EPN2: variants seen among roughly 807,000 people sequenced by gnomAD.
The protein encoded by EPN2 is epsin 2.
A neutral mutation model predicts 61.7 loss-of-function variants in EPN2; 34 were observed. That is an observed-to-expected ratio of 0.55 (90% CI 0.42 to 0.73). EPN2 has a LOEUF of 0.73. Among genes scored for constraint, EPN2 ranks in the 30% least tolerant of loss-of-function variants. EPN2 has a pLI of 0.00. For missense variants in EPN2, 714 were observed against 839.2 expected (o/e 0.85, Z 1.84); for synonymous variants, 349 against 353.6 (o/e 0.99, Z 0.15).
At chr17:19,295,384 T>C (rs1308896444) in intron 4 of EPN2, among the ~76,000 whole-genome samples, 1 of 93,768 alleles carries the variant, frequency 1.1e-5, no homozygotes, top group African/African-American at 3.2e-5. Flanking sequence ...GCGCGCAAAA[T>C]AGCCAGGTGT....
At chr17:19,295,059 A>G (rs2045501556) in intron 4 of EPN2, among the ~76,000 whole-genome samples, 1 of 152,126 alleles carries the variant, frequency 6.6e-6, no homozygotes, top group Non-Finnish European at 1.5e-5. Context: ...TCTGTATCAT[A>G]TCCTTTTTTA....
In EPN2 at chr17:19,313,298, G is replaced by C. The variant is rs1447641366; in HGVS notation, c.1147+19G>C. ...TCGTTTGGTAAAGACCCCATTACTGGTCTCCCGTGCTTGCCTGCTGGATGG... is the reference window on the plus strand; with the variant it reads ...TCGTTTGGTAAAGACCCCATTACTGCTCTCCCGTGCTTGCCTGCTGGATGG... On this transcript the variant is annotated intron_variant, in intron 7 of 10. Coordinates refer to ENST00000314728, the MANE Select transcript of EPN2 (RefSeq NM_014964.5). The C allele has an allele frequency of 6.6e-7, 1 of 1,505,652 alleles. No individual in the cohort carries two copies. Among genetic ancestry groups the C allele is most frequent in the Non-Finnish European group, 8.9e-7 (1 of 1,129,240 alleles). 93.3% of individuals were successfully genotyped at this position (1,505,652 alleles called of 1,614,324 possible).
At chr17:19,277,713 G>A (rs971788022) in intron 1 of EPN2, among the ~76,000 whole-genome samples, 1 of 152,134 alleles carries the variant, frequency 6.6e-6, no homozygotes, top group Non-Finnish European at 1.5e-5. Context: ...TCTCACGGTT[G>A]GAATAATTAG....
At chr17:19,245,912 G>A (rs1452173127) in intron 1 of EPN2, among the ~76,000 whole-genome samples, 4 of 151,946 alleles carry the variant, frequency 2.6e-5, no homozygotes, top group East Asian at 1.9e-4. Context: ...TGATCTGCCC[G>A]CCTCGGCCTC....
At chr17:19,278,051 G>A (rs1228271850) in intron 1 of EPN2, among the ~76,000 whole-genome samples, 1 of 136,548 alleles carries the variant, frequency 7.3e-6, no homozygotes, top group East Asian at 2.1e-4. Flanking sequence ...CAGCCTGGGC[G>A]ACAGAGCGAG....
chr17:19,256,630 T>A (rs2045082854), intron 1 of EPN2, among the ~76,000 whole-genome samples: 1 of 152,032 alleles, frequency 6.6e-6, no homozygotes, highest in South Asian at 2.1e-4. Flanking sequence ...GTCCAGTGGT[T>A]TTCGGCTGGT....
intron 4 of EPN2, chr17:19,308,280 G>T: frequency 9.1e-6 from 7 of 768,140 alleles, no homozygotes; most frequent in Non-Finnish European, 1.1e-5. Flanking sequence ...TACCATTTTG[G>T]CCAGGCTTGT....
intron 7 of EPN2, 172 bp downstream of exon 7, chr17:19,313,451 T>C (rs770091641): frequency 1.4e-4 from 70 of 486,002 alleles, no homozygotes; most frequent in Non-Finnish European, 2.0e-4. Flanking sequence ...TCCTTGAGGA[T>C]GGTGGCATGG....
At chr17:19,296,995 C>A (rs1314573209) in intron 4 of EPN2, 1 of 152,224 alleles carries the variant, frequency 6.6e-6, no homozygotes, top group Non-Finnish European at 1.5e-5. Context: ...TGCTTTTTGT[C>A]TTGTGACATT....
intron 1 of EPN2, among the ~76,000 whole-genome samples, chr17:19,238,256 C>G (rs2044841012): frequency 6.6e-6 from 1 of 152,240 alleles, no homozygotes; most frequent in Non-Finnish European, 1.5e-5. Context: ...TGAATGGGTG[C>G]GTGGGGTCTG....
intron 4 of EPN2, among the ~76,000 whole-genome samples, chr17:19,299,608 C>T (rs1905371223): frequency 6.6e-6 from 1 of 152,202 alleles, no homozygotes; most frequent in African/African-American, 2.4e-5. Context: ...CCTTCCTTTC[C>T]CACCCAACAA....
intron 4 of EPN2, among the ~76,000 whole-genome samples, chr17:19,287,569 A>G (rs183347054): frequency 1.3e-5 from 2 of 152,094 alleles, no homozygotes; most frequent in African/African-American, 4.8e-5. Flanking sequence ...GTAAGTGCTT[A>G]ATCTATGCAC....
In EPN2 at chr17:19,335,389, CT is replaced by C. The variant is rs780936813; in HGVS notation, c.*1143del. On this transcript the variant is annotated 3_prime_UTR_variant, in exon 11 of 11. Coordinates refer to ENST00000314728, the MANE Select transcript of EPN2 (RefSeq NM_014964.5). The stretch of plus-strand genomic sequence containing the variant: ...CTCACCAATTTTTATCAACTAATTC[CT>C]TTTTTTTATTAAAGGCATGCAGGGA... 22 of 1,544,542 alleles carry C rather than the reference CT, an allele frequency of 1.4e-5. No homozygotes were observed. The highest frequency in any genetic ancestry group is 2.0e-5 in the Admixed American group (1 of 50,178).
intron 4 of EPN2, among the ~76,000 whole-genome samples, chr17:19,309,123 C>T (rs181808276): frequency 4.7e-5 from 7 of 150,190 alleles, no homozygotes; most frequent in Admixed American, 1.3e-4. Flanking sequence ...AGTAACACTA[C>T]GAGAGACAAA....
chr17:19,258,179 T>G (rs1020663773), intron 1 of EPN2, among the ~76,000 whole-genome samples: 1 of 152,040 alleles, frequency 6.6e-6, no homozygotes, highest in Admixed American at 6.6e-5. Context: ...GCTGAGACAG[T>G]GTGGAGGAGA....
chr17:19,309,780 T>C (rs1366451531), intron 4 of EPN2, 105 bp from the exon 5 acceptor site: 3 of 810,396 alleles, frequency 3.7e-6, no homozygotes, highest in African/African-American at 1.7e-5. Context: ...TGCTGGACCT[T>C]GCGGGTTTGA....
At chr17:19,250,745 A>G (rs1334532056) in intron 1 of EPN2, among the ~76,000 whole-genome samples, 1 of 152,050 alleles carries the variant, frequency 6.6e-6, no homozygotes, top group East Asian at 1.9e-4. Context: ...TGCTCTGGGG[A>G]CACAGGGGCT....
At chr17:19,318,498 C>T (rs1428905417) in intron 7 of EPN2, among the ~76,000 whole-genome samples, 2 of 123,660 alleles carry the variant, frequency 1.6e-5, no homozygotes, top group African/African-American at 3.2e-5. Flanking sequence ...TGCAGTGAGC[C>T]GAGATCATGC....
chr17:19,291,045 A>G (rs1462035202), intron 4 of EPN2, among the ~76,000 whole-genome samples: 1 of 152,246 alleles, frequency 6.6e-6, no homozygotes, highest in East Asian at 1.9e-4. Flanking sequence ...GGGTTTGCCA[A>G]GTGATTACTA....
Sources: gnomAD v4.1 joint callset for allele counts (sites outside exome capture counted in the v4.1 genomes callset) on GRCh38, gnomAD v4.1.1 for gene constraint, MANE v1.5 for transcripts, NCBI Gene and HGNC (gene_info 2026-07-23, HGNC 2026-07-21) for gene names.